Variants in SLC6A5 observed in about 807,000 individuals in gnomAD.
SLC6A5 encodes solute carrier family 6 member 5.
SLC6A5 carries 58 observed loss-of-function variants against 90.5 expected under a neutral mutation model. The ratio of observed to expected loss-of-function variants is 0.64; its 90% CI spans 0.52 to 0.80. The LOEUF (loss-of-function observed/expected upper bound fraction) is 0.80. Among genes scored for constraint, SLC6A5 ranks in the 30% least tolerant of loss-of-function variants. The pLI is 0.00. For synonymous variants in SLC6A5, 427 were observed against 401.4 expected, an observed-to-expected ratio of 1.06 and a Z score of -0.76; for missense variants, 1,015 against 1,017.6, an observed-to-expected ratio of 1.00 and a Z score of 0.03.
chr11:20,638,137 A>C (rs2298825), intron 12 of SLC6A5, among the ~76,000 whole-genome samples: 46,855 of 152,138 alleles, frequency 0.31, 7,804 homozygotes, highest in South Asian at 0.5. Context: ...AAGCAAAAAT[A>C]AAGCAATCTG....
intron 6 of SLC6A5, among the ~76,000 whole-genome samples, chr11:20,616,071 C>T (rs1852778560): frequency 6.6e-6 from 1 of 152,148 alleles, no homozygotes; most frequent in Non-Finnish European, 1.5e-5. Context: ...CAATGAGCCT[C>T]CAGTTTGTGG....
intron 12 of SLC6A5, 29 bp downstream of exon 12, chr11:20,637,332 G>A (rs771728557): frequency 3.7e-6 from 6 of 1,604,664 alleles, no homozygotes; most frequent in Middle Eastern, 3.3e-4. Context: ...ACAGGCTTGG[G>A]GTGGGGGCAG....
At chr11:20,641,325 T>C (rs1768133562) in intron 13 of SLC6A5, among the ~76,000 whole-genome samples, 1 of 152,206 alleles carries the variant, frequency 6.6e-6, no homozygotes, top group South Asian at 2.1e-4. Flanking sequence ...CTGTTTTCCA[T>C]GTCAGTCAGT....
chr11:20,608,199 G>A (rs1283646971), intron 5 of SLC6A5, among the ~76,000 whole-genome samples: 1 of 152,210 alleles, frequency 6.6e-6, no homozygotes, highest in African/African-American at 2.4e-5. Context: ...GTGAATATGA[G>A]AGTGGACCCT....
chr11:20,633,750 A>G (rs544698850), intron 10 of SLC6A5, among the ~76,000 whole-genome samples: 27 of 152,278 alleles, frequency 1.8e-4, no homozygotes, highest in Middle Eastern at 3.4e-3. Flanking sequence ...TTTAATTCTC[A>G]CGGAAGCTCT....
At chr11:20,647,790 G>A (rs193273051) in intron 14 of SLC6A5, among the ~76,000 whole-genome samples, 3 of 152,306 alleles carry the variant, frequency 2.0e-5, no homozygotes, top group East Asian at 3.9e-4. Flanking sequence ...TAGGCGGTCT[G>A]CCTCTAGAAT....
At position 20,652,392 on chromosome 11, in the gene SLC6A5, C is replaced by G. The variant is rs145908606; in HGVS notation, c.2174C>G (p.Ser725Cys). 1 of 1,614,126 alleles carries G rather than the reference C, an allele frequency of 6.2e-7. No homozygotes were observed. Among genetic ancestry groups the G allele is most frequent in the African/African-American group, 1.3e-5 (1 of 75,028 alleles). The change falls in exon 15 of 16, where the codon TCC (serine) becomes TGC (cysteine). Residue 725 changes from serine (S) to cysteine (C), a missense_variant. Coordinates refer to ENST00000525748, the MANE Select transcript of SLC6A5 (RefSeq NM_004211.5). ...MVLGWLMLAC[S>C]VIWIPIMFVI... Reference sequence around the variant, plus strand: ...CTCGGATGGCTAATGCTCGCCTGTTCCGTCATCTGGATCCCAATTATGTTT... The same window carrying G: ...CTCGGATGGCTAATGCTCGCCTGTTGCGTCATCTGGATCCCAATTATGTTT...
chr11:20,630,634 T>A, intron 9 of SLC6A5, 57 bp from the exon 10 acceptor site: 2 of 1,605,328 alleles, frequency 1.2e-6, no homozygotes, highest in Non-Finnish European at 1.7e-6. Flanking sequence ...TCCTTCCCCT[T>A]GTCCCTTTCC....
At chr11:20,638,622 A>G in intron 13 of SLC6A5, 64 bp downstream of exon 13, 1 of 956,038 alleles carries the variant, frequency 1.0e-6, no homozygotes, top group Non-Finnish European at 1.7e-6. Context: ...ATTCATGGCA[A>G]GCAGATTTCC....
intron 10 of SLC6A5, among the ~76,000 whole-genome samples, chr11:20,635,018 C>T (rs562998374): frequency 4.5e-4 from 68 of 152,154 alleles, no homozygotes; most frequent in African/African-American, 1.6e-3. Flanking sequence ...GAATGGCTGG[C>T]AGAGCTTTAC....
chr11:20,634,072 A>G (rs1188601616), intron 10 of SLC6A5, among the ~76,000 whole-genome samples: 39 of 152,158 alleles, frequency 2.6e-4, no homozygotes, highest in Admixed American at 2.6e-3. Context: ...GGGTTTCACC[A>G]TATTGGCCAG....
chr11:20,656,576 T>C lies in SLC6A5; in HGVS notation c.*1708T>C, dbSNP rs1231867117. The C allele has an allele frequency of 2.6e-5, 4 of 152,222 alleles. No homozygotes were observed. Among genetic ancestry groups the C allele is most frequent in the African/African-American group, 9.6e-5 (4 of 41,458 alleles). 9.4% of individuals were successfully genotyped at this position (152,222 alleles called of 1,614,324 possible). Reference sequence around the variant, plus strand: ...TCATTTTACTGAGCTCTCCCTTTTCTAGGGCAAGTATCATCGCCATTTGCC... The same window carrying C: ...TCATTTTACTGAGCTCTCCCTTTTCCAGGGCAAGTATCATCGCCATTTGCC... On this transcript the variant is annotated 3_prime_UTR_variant, in exon 16 of 16. Coordinates refer to ENST00000525748, the MANE Select transcript of SLC6A5 (RefSeq NM_004211.5).
intron 10 of SLC6A5, among the ~76,000 whole-genome samples, chr11:20,634,846 C>A (rs1266468646): frequency 6.6e-6 from 1 of 152,116 alleles, no homozygotes; most frequent in African/African-American, 2.4e-5. Flanking sequence ...GCTGTGATTG[C>A]TGATTGTGGA....
intron 12 of SLC6A5, 49 bp from the exon 13 acceptor site, chr11:20,638,410 G>A (rs775228760): frequency 8.6e-7 from 1 of 1,160,126 alleles, no homozygotes. Flanking sequence ...GGAAGAGACA[G>A]CCTGGCTTCA....
rs1853612783 is a variant in SLC6A5 at position 20,654,854 on chromosome 11, G to A, written c.2380G>A (p.Gly794Ser). 6.2e-7 allele frequency: 1 copy of A among 1,614,034 alleles called. No homozygotes were observed. The highest frequency in any genetic ancestry group is 1.7e-5 in the Admixed American group (1 of 60,002). ...LKLPVKDLEL[G>S]TQC ...ACTGCCAGTGAAGGATTTGGAACTGGGCACTCAGTGCTAGTCCAGTGGTGT... is the reference window on the plus strand; with the variant it reads ...ACTGCCAGTGAAGGATTTGGAACTGAGCACTCAGTGCTAGTCCAGTGGTGT... The change falls in exon 16 of 16, where the codon GGC becomes AGC. Residue 794 changes from glycine (G) to serine (S), a missense_variant. Transcript: ENST00000525748.
intron 14 of SLC6A5, among the ~76,000 whole-genome samples, chr11:20,650,002 C>T (rs1158576131): frequency 6.6e-6 from 1 of 152,138 alleles, no homozygotes; most frequent in African/African-American, 2.4e-5. Flanking sequence ...AATCACTTGC[C>T]CCAGCTGCCT....
intron 5 of SLC6A5, among the ~76,000 whole-genome samples, chr11:20,612,112 T>C (rs879795713): frequency 6.6e-6 from 1 of 152,210 alleles, no homozygotes; most frequent in African/African-American, 2.4e-5. Flanking sequence ...GGGATTCTTA[T>C]TATTGTTTCC....
rs770456450 is a variant in SLC6A5 at position 20,607,046 on chromosome 11, C to G, written c.719C>G (p.Ala240Gly). The change falls in exon 4 of 16, where the codon GCT (alanine) becomes GGT (glycine). Residue 240 changes from alanine to glycine, a missense_variant. Ala to Gly is a moderately conservative substitution (Grantham distance 60, BLOSUM62 0). Transcript: ENST00000525748. ...CCTTACCTGATGATGCTGGCTCTGGCTGGATTACCCATCTTCTTCTTGGAG... is the reference window on the plus strand; with the variant it reads ...CCTTACCTGATGATGCTGGCTCTGGGTGGATTACCCATCTTCTTCTTGGAG... ...LIPYLMMLAL[A>G]GLPIFFLEVS... 8.1e-6 allele frequency: 13 copies of G among 1,613,948 alleles called. No homozygotes were observed. The highest frequency in any genetic ancestry group is 1.1e-5 in the South Asian group (1 of 91,072).
chr11:20,644,719 T>G (rs1377955931), intron 13 of SLC6A5, among the ~76,000 whole-genome samples: 2 of 152,212 alleles, frequency 1.3e-5, no homozygotes, highest in Non-Finnish European at 2.9e-5. Context: ...AGAGCATGTA[T>G]CTTGAGTGTA....
Sources: gnomAD v4.1 joint callset for allele counts (sites outside exome capture counted in the v4.1 genomes callset) on GRCh38, gnomAD v4.1.1 for gene constraint, MANE v1.5 for transcripts, NCBI Gene and HGNC (gene_info 2026-07-23, HGNC 2026-07-21) for gene names.